TTBK2: variants seen among roughly 807,000 people sequenced by gnomAD.
TTBK2 encodes tau tubulin kinase 2.
TTBK2 carries 28 observed loss-of-function variants against 110.8 expected under a neutral mutation model. The ratio of observed to expected loss-of-function variants is 0.25; its 90% CI spans 0.19 to 0.35. The LOEUF (loss-of-function observed/expected upper bound fraction) is 0.35, where lower values mean the gene tolerates loss of function less well. Ranked by LOEUF, TTBK2 falls within the 10% of genes least tolerant of loss-of-function variation. The probability of loss-of-function intolerance (pLI) is 1.00; values close to 1 mark genes in which losing one functional copy is unlikely to be tolerated. For synonymous variants in TTBK2, 532 were observed against 527.3 expected (o/e 1.01, Z -0.12); for missense variants, 1,369 against 1,500.3 (o/e 0.91, Z 1.45).
At chr15:42,816,970 A>T in intron 7 of TTBK2, 62 bp downstream of exon 7, 1 of 967,080 alleles carries the variant, frequency 1.0e-6, no homozygotes, top group African/African-American at 1.7e-5. Context: ...ATAAAAAAGA[A>T]GTCAATCTGA....
intron 3 of TTBK2, among the ~76,000 whole-genome samples, chr15:42,842,997 A>G (rs1430531293): frequency 6.6e-6 from 1 of 152,212 alleles, no homozygotes; most frequent in African/African-American, 2.4e-5. Context: ...TCCAGCTTCA[A>G]AGAAACAATA....
At chr15:42,785,740 G>GT (rs1239718375) in intron 10 of TTBK2, among the ~76,000 whole-genome samples, 35 of 147,424 alleles carry the variant, frequency 2.4e-4, no homozygotes, top group East Asian at 4.0e-4. Context: ...ATATTCTAGG[G>GT]TTTTTTTTTT....
intron 3 of TTBK2, among the ~76,000 whole-genome samples, chr15:42,851,052 C>T (rs1244962830): frequency 1.3e-5 from 2 of 150,034 alleles, no homozygotes; most frequent in Non-Finnish European, 3.0e-5. Context: ...AGTGAGACCC[C>T]GTCTCTACTA....
intron 7 of TTBK2, among the ~76,000 whole-genome samples, chr15:42,816,759 A>T (rs1892046937): frequency 6.6e-6 from 1 of 151,866 alleles, no homozygotes; most frequent in Non-Finnish European, 1.5e-5. Context: ...CTCTACTAAA[A>T]ATACAAAAAA....
At chr15:42,763,101 T>TATAC (rs1555421103) in intron 13 of TTBK2, among the ~76,000 whole-genome samples, 2 of 109,170 alleles carry the variant, frequency 1.8e-5, no homozygotes, top group Non-Finnish European at 3.3e-5. Flanking sequence ...TATATATATA[T>TATAC]ACGTATATAT....
intron 1 of TTBK2, among the ~76,000 whole-genome samples, chr15:42,914,651 T>C (rs1006714588): frequency 2.0e-5 from 3 of 152,266 alleles, no homozygotes; most frequent in Non-Finnish European, 4.4e-5. Context: ...AAAGAACTTG[T>C]CTAAAGCTGT....
intron 1 of TTBK2, among the ~76,000 whole-genome samples, chr15:42,920,113 A>C (rs1175751512): frequency 6.6e-6 from 1 of 152,166 alleles, no homozygotes; most frequent in Non-Finnish European, 1.5e-5. Flanking sequence ...TGGTACCAGA[A>C]GTGGCATGGG....
intron 13 of TTBK2, among the ~76,000 whole-genome samples, chr15:42,774,639 G>T (rs995783020): frequency 6.6e-6 from 1 of 152,126 alleles, no homozygotes; most frequent in Non-Finnish European, 1.5e-5. Flanking sequence ...TTTGAACAGT[G>T]GCCATCAATG....
Position 42,775,130 on chromosome 15 carries a change from C to T in TTBK2, c.1998+5G>A, listed in dbSNP as rs868260746. ...AGAGAATAATAATAAAAACAAATTTCTTACCGCTGTAAGGGGTCCTTCTGC... is the reference window on the plus strand; with the variant it reads ...AGAGAATAATAATAAAAACAAATTTTTTACCGCTGTAAGGGGTCCTTCTGC... On this transcript the variant is annotated splice_donor_5th_base_variant and intron_variant, in intron 13 of 14. Transcript: ENST00000267890. The T allele has an allele frequency of 3.7e-6, 6 of 1,612,014 alleles. No homozygotes were observed. The African/African-American group carries it at 4.0e-5, about 11-fold the overall frequency.
At chr15:42,829,155 T>C (rs1892651370) in intron 5 of TTBK2, among the ~76,000 whole-genome samples, 1 of 152,236 alleles carries the variant, frequency 6.6e-6, no homozygotes, top group East Asian at 1.9e-4. Context: ...TGTACCAACA[T>C]ATGATACATT....
chr15:42,801,103 C>G, intron 9 of TTBK2: 1 of 839,086 alleles, frequency 1.2e-6, no homozygotes, highest in East Asian at 2.4e-5. Flanking sequence ...GAGCCCAGGC[C>G]GTAGCTGAGG....
chr15:42,846,973 T>A (rs1285870297), intron 3 of TTBK2, among the ~76,000 whole-genome samples: 6 of 152,168 alleles, frequency 3.9e-5, no homozygotes, highest in Admixed American at 3.9e-4. Flanking sequence ...CACTTATCCA[T>A]CTCTTCATCC....
At position 42,752,965 on chromosome 15, in the gene TTBK2, C is replaced by T. The variant is rs371090315; in HGVS notation, c.2281G>A (p.Asp761Asn). ...TCTCTCACAACCAGTCTATTATGAT[C>T]AGGAAGTTCTTTTGGTCCCAGGTCT... ...SQDLGPKELPDHNRLVVREFE... is the reference protein window; with the variant it reads ...SQDLGPKELPNHNRLVVREFE... Residue 761 changes from aspartate (D) to asparagine (N), a missense_variant, in exon 14 of 15, where the codon GAT becomes AAT. Asp to Asn is a conservative substitution (Grantham distance 23, BLOSUM62 1). Transcript: ENST00000267890. 6.8e-6 allele frequency: 11 copies of T among 1,614,088 alleles called. 1 individual carries two copies. The highest frequency in any genetic ancestry group is 8.5e-6 in the Non-Finnish European group (10 of 1,180,044).
At position 42,748,731 on chromosome 15, in the gene TTBK2, T is replaced by C. The variant is rs572577287; in HGVS notation, c.3273-2474A>G. ...TTTGGCCCTGGAAAGCACTCTTCAC[T>C]GGTTTACCACCTCCCAATATTTTCC... is the stretch of plus-strand genomic sequence containing the variant. On this transcript the variant is annotated intron_variant, in intron 14 of 14. Coordinates refer to ENST00000267890, the MANE Select transcript of TTBK2 (RefSeq NM_173500.4). Among the ~76,000 whole-genome samples the C allele has an allele frequency of 5.3e-5, 8 of 152,284 alleles. No individual in the cohort carries two copies. In the East Asian group the frequency reaches 1.2e-3, roughly 22 times the overall value.
In TTBK2 at chr15:42,902,293, G is replaced by C. The variant is rs186564556; in HGVS notation, c.-68+18145C>G. Among the ~76,000 whole-genome samples the C allele has an allele frequency of 3.0e-4, 45 of 151,874 alleles. No individual in the cohort carries two copies. In the Middle Eastern group the frequency reaches 0.01, roughly 35 times the overall value. On this transcript the variant is annotated intron_variant, in intron 1 of 14. Transcript: ENST00000267890. The stretch of plus-strand genomic sequence containing the variant: ...CCCAGCATTTCGGGAGGCCGAGGTG[G>C]GTGGATCACCTCAGGTCTGGAGTTT...
At chr15:42,912,529 T>C (rs1017936870) in intron 1 of TTBK2, among the ~76,000 whole-genome samples, 5 of 151,880 alleles carry the variant, frequency 3.3e-5, no homozygotes, top group African/African-American at 1.2e-4. Flanking sequence ...GCCAACATGA[T>C]GAAACCCCAT....
rs758452369 is a variant in TTBK2, at chr15:42,862,211, G to A, written c.217+10400C>T. ...CTATTTAAAAAAAAAATGAGGATGAGTGGCTCCTCCCTAATTCATTCTATG... is the reference window on the plus strand; with the variant it reads ...CTATTTAAAAAAAAAATGAGGATGAATGGCTCCTCCCTAATTCATTCTATG... On this transcript the variant is annotated intron_variant, in intron 3 of 14. Transcript: ENST00000267890. Among the ~76,000 whole-genome samples the A allele has an allele frequency of 7.2e-5, 11 of 152,222 alleles. No homozygotes were observed. The South Asian group carries it at 1.2e-3, about 17-fold the overall frequency.
chr15:42,828,086 A>G (rs1684777383), intron 5 of TTBK2, 54 bp from the exon 6 acceptor site: 5 of 1,350,272 alleles, frequency 3.7e-6, no homozygotes, highest in South Asian at 3.7e-5. Flanking sequence ...TAGTCCTTAC[A>G]TTTTATCATT....
intron 13 of TTBK2, among the ~76,000 whole-genome samples, chr15:42,755,553 C>T (rs1020301838): frequency 6.6e-6 from 1 of 152,178 alleles, no homozygotes; most frequent in Non-Finnish European, 1.5e-5. Flanking sequence ...AATGCAACCA[C>T]GGTCCTGAGG....
Sources: gnomAD v4.1 joint callset for allele counts (sites outside exome capture counted in the v4.1 genomes callset) on GRCh38, gnomAD v4.1.1 for gene constraint, MANE v1.5 for transcripts, NCBI Gene and HGNC (gene_info 2026-07-23, HGNC 2026-07-21) for gene names.